COL5A1: variants seen among roughly 807,000 people sequenced by gnomAD.
COL5A1 encodes the protein collagen type V alpha 1 chain.
COL5A1 carries 16 observed loss-of-function variants against 263.7 expected under a neutral mutation model. The ratio of observed to expected loss-of-function variants is 0.06; its 90% CI spans 0.04 to 0.09. The LOEUF (loss-of-function observed/expected upper bound fraction) is 0.09. COL5A1 is among the 10% of genes least tolerant of loss of function. COL5A1 has a pLI of 1.00. For missense variants in COL5A1, 2,036 were observed against 2,540.5 expected (o/e 0.80, Z 4.27); for synonymous variants, 1,012 against 1,004.5 (o/e 1.01, Z -0.14).
intron 11 of COL5A1, among the ~76,000 whole-genome samples, chr9:134,743,048 G>A (rs140312830): frequency 1.9e-3 from 285 of 152,294 alleles, no homozygotes; most frequent in Non-Finnish European, 3.2e-3. Context: ...ACATCCATTC[G>A]CGTGTGTGCC....
In COL5A1 at chr9:134,829,835, C is replaced by A. The variant is rs112040689; in HGVS notation, c.5068-141C>A. On this transcript the variant is annotated intron_variant, in intron 63 of 65. Coordinates refer to ENST00000371817, the MANE Select transcript of COL5A1 (RefSeq NM_000093.5). ...GCCCTCAGGCTGCACTGAAGGCGCT[C>A]GGTGGGTCCTCCCTGCAGCCCCCCC... 2,776 of 897,406 alleles carry A rather than the reference C, an allele frequency of 3.1e-3. 46 individuals are homozygous for A. In the African/African-American group the frequency reaches 0.039, roughly 13 times the overall value. 55.6% of individuals were successfully genotyped at this position (897,406 alleles called of 1,614,324 possible). A position where few individuals can be genotyped will look rare whatever the true frequency, so the allele number is the denominator to read the frequency against.
At chr9:134,662,418 C>T (rs1312563505) in intron 1 of COL5A1, among the ~76,000 whole-genome samples, 1 of 152,244 alleles carries the variant, frequency 6.6e-6, no homozygotes, top group Non-Finnish European at 1.5e-5. Context: ...TTCCTAACAG[C>T]CTGGGAAGCT....
At chr9:134,835,518 T>C (rs1046912494) in intron 65 of COL5A1, among the ~76,000 whole-genome samples, 5 of 152,174 alleles carry the variant, frequency 3.3e-5, no homozygotes, top group African/African-American at 1.2e-4. Flanking sequence ...GAGGACCCGT[T>C]GTGGTTCCAG....
At chr9:134,657,964 G>T (rs1392718292) in intron 1 of COL5A1, among the ~76,000 whole-genome samples, 2 of 151,904 alleles carry the variant, frequency 1.3e-5, no homozygotes, top group African/African-American at 2.4e-5. Context: ...CTGGCCTGTC[G>T]GGTGGGCTTC....
chr9:134,724,913 C>T (rs1356964130), intron 4 of COL5A1, among the ~76,000 whole-genome samples: 3 of 151,824 alleles, frequency 2.0e-5, no homozygotes, highest in African/African-American at 2.4e-5. Flanking sequence ...GAACCAGGCT[C>T]GGATGAACCG....
At position 134,686,808 on chromosome 9, in the gene COL5A1, C is replaced by G. The variant is rs920543449; in HGVS notation, c.110-4104C>G. Among the ~76,000 whole-genome samples, 4 of 152,136 alleles carry G rather than the reference C, an allele frequency of 2.6e-5. No homozygotes were observed. The highest frequency in any genetic ancestry group is 5.9e-5 in the Non-Finnish European group (4 of 68,024). The stretch of plus-strand genomic sequence containing the variant: ...GTGCAGGATGCCTGACCCCTAGGTG[C>G]TGGGGGTAAACACTTCTTGTAGTTT... On this transcript the variant is annotated intron_variant, in intron 1 of 65. Coordinates refer to ENST00000371817, the MANE Select transcript of COL5A1 (RefSeq NM_000093.5). The surrounding 1 kb of genome is among the most constrained non-coding windows in gnomAD (Gnocchi z 4.6).
chr9:134,754,033 C>A lies in COL5A1; in HGVS notation c.1773+130C>A. The A allele has an allele frequency of 1.1e-6, 1 of 910,742 alleles. No homozygotes were observed. Among genetic ancestry groups the A allele is most frequent in the Non-Finnish European group, 1.8e-6 (1 of 563,816 alleles). The allele number at this position is 910,742 out of a possible 1,614,324, so 56.4% of individuals were successfully genotyped here. On this transcript the variant is annotated intron_variant, in intron 15 of 65. Coordinates refer to ENST00000371817, the MANE Select transcript of COL5A1 (RefSeq NM_000093.5). The surrounding 1 kb of genome is among the most constrained non-coding windows in gnomAD (Gnocchi z 4.3). The stretch of plus-strand genomic sequence containing the variant: ...ATTCGTGGGAATTGTCCTTGCTTTA[C>A]GCAGTGCTGAGGGTGGAGCACAATG...
chr9:134,745,323 C>T (rs1835471098), intron 11 of COL5A1, among the ~76,000 whole-genome samples: 1 of 152,222 alleles, frequency 6.6e-6, no homozygotes, highest in South Asian at 2.1e-4. Context: ...AGTGAAGGGA[C>T]AGCTGGCAGG....
chr9:134,830,701 G>A (rs540897311), intron 64 of COL5A1, among the ~76,000 whole-genome samples: 5 of 152,304 alleles, frequency 3.3e-5, no homozygotes, highest in Non-Finnish European at 5.9e-5. Context: ...TACGAGTCAC[G>A]TTTTCACTTT....
In COL5A1 at chr9:134,766,510, G is replaced by T; in HGVS notation, c.2133+12G>T. ...CAAAAGGAAATGTGGTAAGTCCCTG[G>T]GGTCCCGTGGCCTGGCTTCAGGGGC... is the stretch of plus-strand genomic sequence containing the variant. On this transcript the variant is annotated intron_variant, in intron 22 of 65. Coordinates refer to ENST00000371817, the MANE Select transcript of COL5A1 (RefSeq NM_000093.5). 6.2e-7 allele frequency: 1 copy of T among 1,613,962 alleles called. No individual in the cohort carries two copies. The highest frequency in any genetic ancestry group is 8.5e-7 in the Non-Finnish European group (1 of 1,179,972).
intron 11 of COL5A1, among the ~76,000 whole-genome samples, chr9:134,744,491 AC>A (rs553518644): frequency 1.4e-3 from 210 of 151,708 alleles, no homozygotes; most frequent in African/African-American, 4.6e-3. Context: ...ATGCACAGTC[AC>A]CCACACCTGC....
In COL5A1 at chr9:134,690,904, C is replaced by T; in HGVS notation, c.110-8C>T. The stretch of plus-strand genomic sequence containing the variant: ...GTGGCTAACTCTGCTCCTCCTCTGT[C>T]ATTTCAGCTCAGCCAGCAGATCTCC... On this transcript the variant is annotated splice_polypyrimidine_tract_variant and splice_region_variant and intron_variant, in intron 1 of 65. Transcript: ENST00000371817. 6.2e-7 allele frequency: 1 copy of T among 1,613,586 alleles called. No homozygotes were observed. The highest frequency in any genetic ancestry group is 2.2e-5 in the East Asian group (1 of 44,884).
At chr9:134,684,460 G>A (rs754337766) in intron 1 of COL5A1, among the ~76,000 whole-genome samples, 10 of 152,216 alleles carry the variant, frequency 6.6e-5, no homozygotes, top group Non-Finnish European at 1.3e-4. Context: ...GGAGCCCAGG[G>A]CTCCATCCTC....
chr9:134,724,052 C>T (rs945350975), intron 4 of COL5A1, among the ~76,000 whole-genome samples: 2 of 152,252 alleles, frequency 1.3e-5, no homozygotes, highest in East Asian at 3.9e-4. Context: ...ACTCCCTCCC[C>T]TCTCAGGAGC....
At chr9:134,814,957 A>C in intron 50 of COL5A1, 53 bp downstream of exon 50, 1 of 1,281,412 alleles carries the variant, frequency 7.8e-7, no homozygotes, top group South Asian at 1.3e-5. Flanking sequence ...GGGGCTCTGC[A>C]CTGGGATCAT....
Position 134,750,821 on chromosome 9 carries a change from C to T in COL5A1, c.1601C>T (p.Ser534Phe). The change falls in exon 13 of 66, where the codon TCC becomes TTC. Residue 534 changes from serine (S) to phenylalanine (F), a missense_variant. By Grantham distance (155) the Ser-to-Phe change is radical. Around this residue, in one of 3 missense-constraint regions of COL5A1, gnomAD observed 1,078 missense variants for 1,521.4 expected, o/e 0.71. Transcript: ENST00000371817. ...TTTGGAGGTGGCGGCGATGCGGGCTCCAAAGGCCCCATGGTCTCAGCCCAG... is the reference window on the plus strand; with the variant it reads ...TTTGGAGGTGGCGGCGATGCGGGCTTCAAAGGCCCCATGGTCTCAGCCCAG... ...FRFGGGGDAG[S>F]KGPMVSAQES... The T allele has an allele frequency of 1.2e-6, 2 of 1,613,260 alleles. No individual in the cohort carries two copies. The highest frequency in any genetic ancestry group is 1.7e-6 in the Non-Finnish European group (2 of 1,180,030).
intron 64 of COL5A1, among the ~76,000 whole-genome samples, chr9:134,830,775 C>T (rs1054510685): frequency 6.6e-5 from 10 of 152,220 alleles, no homozygotes; most frequent in African/African-American, 1.4e-4. Flanking sequence ...CAGGAAAGAA[C>T]CACATAGGAG....
chr9:134,798,507 C>T, intron 37 of COL5A1, 46 bp downstream of exon 37: 1 of 1,580,272 alleles, frequency 6.3e-7, no homozygotes. Context: ...GGCTCTCTGA[C>T]CACCCTGCAC....
intron 18 of COL5A1, among the ~76,000 whole-genome samples, chr9:134,759,664 GCACACCCC>G (rs199706513): frequency 0.021 from 1,308 of 62,098 alleles, 30 homozygotes; most frequent in Admixed American, 0.024. Flanking sequence ...ACATACGCAT[GCACACCCC>G]CACACCCCCA....
Sources: allele counts gnomAD v4.1 joint callset (sites outside exome capture counted in the v4.1 genomes callset), GRCh38; gene constraint gnomAD v4.1.1; regional missense constraint gnomAD v4.1.1; non-coding constraint Gnocchi (gnomAD v3.1); transcripts MANE v1.5; gene names NCBI Gene and HGNC (gene_info 2026-07-23, HGNC 2026-07-21).